GRM5: variants seen among roughly 807,000 people sequenced by gnomAD.
GRM5 encodes glutamate metabotropic receptor 5.
GRM5 carries 19 observed loss-of-function variants against 83.1 expected under a neutral mutation model. The ratio of observed to expected loss-of-function variants is 0.23; its 90% confidence interval spans 0.16 to 0.34. The LOEUF (loss-of-function observed/expected upper bound fraction) is 0.34, where lower values mean the gene tolerates loss of function less well. Among genes scored for constraint, GRM5 ranks in the 10% least tolerant of loss-of-function variants. The pLI is 1.00. For synonymous variants in GRM5, 675 were observed against 633.6 expected, an observed-to-expected ratio of 1.07 and a Z score of -0.98; for missense variants, 1,160 against 1,588.3, an observed-to-expected ratio of 0.73 and a Z score of 4.58.
At chr11:88,833,885 A>G (rs1482674205) in intron 3 of GRM5, among the ~76,000 whole-genome samples, 1 of 152,158 alleles carries the variant, frequency 6.6e-6, no homozygotes, top group Non-Finnish European at 1.5e-5. Context: ...CAAATATTAC[A>G]TGTTCTCACT....
At chr11:88,898,770 A>G (rs1470079830) in intron 2 of GRM5, among the ~76,000 whole-genome samples, 3 of 151,948 alleles carry the variant, frequency 2.0e-5, no homozygotes, top group Admixed American at 2.0e-4. Context: ...GTTACATTAT[A>G]TTTGAACTAT....
intron 3 of GRM5, among the ~76,000 whole-genome samples, chr11:88,783,059 T>A (rs980541452): frequency 9.9e-5 from 15 of 152,166 alleles, no homozygotes; most frequent in Non-Finnish European, 1.8e-4. Flanking sequence ...TCCGCCTGAC[T>A]TAAAGGCTGG....
At chr11:88,728,090 C>G (rs944811805) in intron 3 of GRM5, among the ~76,000 whole-genome samples, 24 of 151,962 alleles carry the variant, frequency 1.6e-4, no homozygotes, top group African/African-American at 5.8e-4. Context: ...AATCCAGGAG[C>G]TGGTTTTTTG....
chr11:89,019,412 C>G (rs1452450612), intron 2 of GRM5, among the ~76,000 whole-genome samples: 1 of 151,876 alleles, frequency 6.6e-6, no homozygotes, highest in African/African-American at 2.4e-5. Context: ...CAAACCCTTT[C>G]AGCTGGGCAT....
chr11:88,587,377 G>A (rs187876761), intron 7 of GRM5, among the ~76,000 whole-genome samples: 29 of 152,186 alleles, frequency 1.9e-4, no homozygotes, highest in African/African-American at 6.5e-4. Flanking sequence ...CATTCTGTGT[G>A]GATGAGAATT....
At chr11:88,800,242 G>A (rs1051624308) in intron 3 of GRM5, among the ~76,000 whole-genome samples, 2 of 152,034 alleles carry the variant, frequency 1.3e-5, no homozygotes, top group African/African-American at 4.8e-5. Flanking sequence ...GTTCTATAAA[G>A]TCAAATCTCC....
At chr11:88,601,265 C>T (rs1045159600) in intron 5 of GRM5, among the ~76,000 whole-genome samples, 7 of 152,138 alleles carry the variant, frequency 4.6e-5, no homozygotes, top group African/African-American at 1.7e-4. Flanking sequence ...TATCAAGAAT[C>T]CGCATGCACA....
At chr11:88,957,368 A>G (rs1243383352) in intron 2 of GRM5, among the ~76,000 whole-genome samples, 1 of 152,246 alleles carries the variant, frequency 6.6e-6, no homozygotes, top group Admixed American at 6.5e-5. Flanking sequence ...ATGTATTTCC[A>G]TTTTACCAAA....
Position 88,744,742 on chromosome 11 carries a change from A to C in GRM5, c.912-91339T>G, listed in dbSNP as rs375876784. ...CAGCACTGCTCTGGTATTAGAATCC[A>C]ATCCTGACTCAGGAATCAACCCATA... On this transcript the variant is annotated intron_variant, in intron 3 of 9. Coordinates refer to ENST00000305447, the MANE Select transcript of GRM5 (RefSeq NM_001143831.3). Among the ~76,000 whole-genome samples the C allele has an allele frequency of 8.5e-5, 13 of 152,292 alleles. 1 individual carries two copies. In the South Asian group the frequency reaches 1.7e-3, roughly 19 times the overall value.
At chr11:89,064,299 A>G (rs943020314) in intron 1 of GRM5, among the ~76,000 whole-genome samples, 3 of 152,164 alleles carry the variant, frequency 2.0e-5, no homozygotes, top group Non-Finnish European at 4.4e-5. Flanking sequence ...CTTAAAGTAT[A>G]ATAAAAATAA....
At chr11:88,887,662 C>T (rs538254625) in intron 2 of GRM5, among the ~76,000 whole-genome samples, 1 of 152,258 alleles carries the variant, frequency 6.6e-6, no homozygotes, top group South Asian at 2.1e-4. Context: ...TCTTCCTCTC[C>T]ACTCTGTCAC....
intron 1 of GRM5, among the ~76,000 whole-genome samples, chr11:89,053,913 T>G (rs1378920316): frequency 6.6e-6 from 1 of 151,712 alleles, no homozygotes; most frequent in African/African-American, 2.4e-5. Context: ...TGCTGAGGAG[T>G]AGCAAACAGC....
At chr11:88,580,837 G>C (rs1441606783) in intron 7 of GRM5, among the ~76,000 whole-genome samples, 1 of 152,190 alleles carries the variant, frequency 6.6e-6, no homozygotes, top group Non-Finnish European at 1.5e-5. Context: ...AAATGTAGAA[G>C]ACATTTAATA....
At chr11:88,960,074 G>A (rs1242636788) in intron 2 of GRM5, among the ~76,000 whole-genome samples, 1 of 152,154 alleles carries the variant, frequency 6.6e-6, no homozygotes, top group Non-Finnish European at 1.5e-5. Context: ...GGAGGAAACT[G>A]CACTTGGAAA....
intron 3 of GRM5, among the ~76,000 whole-genome samples, chr11:88,828,189 A>G (rs939191539): frequency 1.3e-5 from 2 of 152,344 alleles, no homozygotes; most frequent in Admixed American, 6.5e-5. Flanking sequence ...GAAAGGCAGA[A>G]GAGGTATGTG....
intron 3 of GRM5, among the ~76,000 whole-genome samples, chr11:88,841,513 C>T (rs1944201031): frequency 6.6e-6 from 1 of 152,130 alleles, no homozygotes; most frequent in Non-Finnish European, 1.5e-5. Flanking sequence ...GCTGCATTTT[C>T]AAAATTACAG....
At chr11:88,658,377 A>G (rs1021493518) in intron 3 of GRM5, among the ~76,000 whole-genome samples, 3 of 152,166 alleles carry the variant, frequency 2.0e-5, no homozygotes, top group Admixed American at 2.0e-4. Context: ...ACATGGCTAA[A>G]CCTGACCTGA....
chr11:88,720,783 G>A (rs1941513861), intron 3 of GRM5, among the ~76,000 whole-genome samples: 1 of 146,322 alleles, frequency 6.8e-6, no homozygotes, highest in Non-Finnish European at 1.5e-5. Flanking sequence ...AGGTTTGCAG[G>A]AAAATCATTA....
intron 3 of GRM5, among the ~76,000 whole-genome samples, chr11:88,799,278 A>T (rs1943343357): frequency 6.6e-6 from 1 of 152,122 alleles, no homozygotes; most frequent in Non-Finnish European, 1.5e-5. Context: ...CTTAAAAAAG[A>T]TTAAACACAT....
Sources: gnomAD v4.1 joint callset for allele counts (sites outside exome capture counted in the v4.1 genomes callset) on GRCh38, gnomAD v4.1.1 for gene constraint, MANE v1.5 for transcripts, NCBI Gene and HGNC (gene_info 2026-07-23, HGNC 2026-07-21) for gene names.